RUVBL1: variants seen among roughly 807,000 people sequenced by gnomAD.
RUVBL1 encodes the protein RuvB like AAA ATPase 1, also known as ruvB-like 1.
Under a neutral mutation model 52.4 loss-of-function variants are expected in RUVBL1, and 4 were observed. That is an observed-to-expected ratio of 0.08 (90% CI 0.04 to 0.17). RUVBL1 has a LOEUF of 0.17. RUVBL1 is among the 10% of genes least tolerant of loss of function. The pLI is 1.00. For synonymous variants in RUVBL1, 217 were observed against 214.4 expected, an observed-to-expected ratio of 1.01 and a Z score of -0.10; for missense variants, 298 against 572.8, an observed-to-expected ratio of 0.52 and a Z score of 4.90.
chr3:128,069,756 TTAA>T lies in RUVBL1; in HGVS notation c.940-4539_940-4537del, dbSNP rs373776469. 39 of 1,007,238 alleles carry T rather than the reference TTAA, an allele frequency of 3.9e-5. No individual in the cohort carries two copies. In the African/African-American group the frequency reaches 5.7e-4, roughly 15 times the overall value. 62.4% of individuals were successfully genotyped at this position (1,007,238 alleles called of 1,614,324 possible). On this transcript the variant is annotated intron_variant, in intron 9 of 9. Transcript: ENST00000464873. ...GCGTGCTGCTGCGGCATATGGACTT[TTAA>T]TAATGTTTTTGAATTTCGTATTCTT... is the stretch of plus-strand genomic sequence containing the variant.
At chr3:128,148,449 G>A (rs889152242) in intron 1 of RUVBL1, among the ~76,000 whole-genome samples, 1 of 152,202 alleles carries the variant, frequency 6.6e-6, no homozygotes, top group Non-Finnish European at 1.5e-5. Flanking sequence ...TGGGAGTGGA[G>A]TGGAGGGTAA....
intron 9 of RUVBL1, among the ~76,000 whole-genome samples, chr3:128,086,630 T>C (rs980757963): frequency 6.6e-6 from 1 of 152,218 alleles, no homozygotes; most frequent in Non-Finnish European, 1.5e-5. Context: ...TGGCCTGGGC[T>C]CTACAGGGCA....
chr3:128,096,420 CTT>C (rs1185622291), intron 8 of RUVBL1, among the ~76,000 whole-genome samples: 5 of 152,212 alleles, frequency 3.3e-5, no homozygotes, highest in Non-Finnish European at 7.3e-5. Flanking sequence ...CGTATGAACA[CTT>C]GTCTTCCAGG....
intron 6 of RUVBL1, 38 bp downstream of exon 6, chr3:128,100,557 G>A (rs987462668): frequency 6.4e-7 from 1 of 1,558,174 alleles, no homozygotes. Context: ...CATACAAAAG[G>A]GCTAATGTGC....
At chr3:128,109,719 C>T (rs1358691308) in intron 3 of RUVBL1, among the ~76,000 whole-genome samples, 2 of 151,654 alleles carry the variant, frequency 1.3e-5, no homozygotes, top group African/African-American at 2.4e-5. Flanking sequence ...GTCTCGAACT[C>T]CTGGGCTCAA....
intron 5 of RUVBL1, 53 bp downstream of exon 5, chr3:128,101,506 C>T (rs1576458072): frequency 6.5e-7 from 1 of 1,546,324 alleles, no homozygotes; most frequent in Admixed American, 1.7e-5. Context: ...TCACTTAGGT[C>T]TTCTCATGGC....
chr3:128,139,658 A>G (rs939825538), intron 1 of RUVBL1, among the ~76,000 whole-genome samples: 3 of 152,216 alleles, frequency 2.0e-5, no homozygotes, highest in African/African-American at 7.2e-5. Flanking sequence ...AAGCATCCTA[A>G]GTGTCCATTA....
In RUVBL1 at chr3:128,112,876, G is replaced by A. The variant is rs1576468838; in HGVS notation, c.361+12C>T. On this transcript the variant is annotated intron_variant, in intron 3 of 10. Coordinates refer to ENST00000322623, the MANE Select transcript of RUVBL1 (RefSeq NM_003707.3). ...TGAGACCAACTCCTCCCACAAATGTGACACTACTTACCAATGGCCCTGCGG... is the reference window on the plus strand; with the variant it reads ...TGAGACCAACTCCTCCCACAAATGTAACACTACTTACCAATGGCCCTGCGG... 3.1e-6 allele frequency: 5 copies of A among 1,612,324 alleles called. No individual in the cohort carries two copies. The Admixed American group carries it at 5.0e-5, about 16-fold the overall frequency.
At chr3:128,116,339 G>A (rs1341204731) in intron 2 of RUVBL1, among the ~76,000 whole-genome samples, 8 of 151,824 alleles carry the variant, frequency 5.3e-5, no homozygotes, top group African/African-American at 1.7e-4. Context: ...TCAGGAGTTC[G>A]AGACCAGCCT....
chr3:128,065,294 A>T (rs1269312687), intron 9 of RUVBL1: 4 of 601,800 alleles, frequency 6.6e-6, no homozygotes, highest in Non-Finnish European at 1.2e-5. Context: ...GGGCCTATCG[A>T]CAGGTAAGAT....
rs764544791 is a variant in RUVBL1 at position 128,153,468 on chromosome 3, A to AGGGGC, written c.-310_-306dup. ...ACCGCGGCGACTACCGAGGGAGGTG[A>AGGGGC]GGGGCGGGCCGGGCGGGTGTCCGAG... is the stretch of plus-strand genomic sequence containing the variant. On this transcript the variant is annotated 5_prime_UTR_variant, in exon 1 of 10. Coordinates refer to the RUVBL1 transcript ENST00000464873. 1.7e-4 allele frequency: 251 copies of AGGGGC among 1,456,872 alleles called. 1 individual carries two copies. The African/African-American group carries it at 3.2e-3, about 19-fold the overall frequency. The allele number at this position is 1,456,872 out of a possible 1,614,324, so 90.2% of individuals were successfully genotyped here.
At chr3:128,124,132 C>T (rs1050749764), upstream of RUVBL1, among the ~76,000 whole-genome samples, 21 of 152,234 alleles carry the variant, frequency 1.4e-4, no homozygotes, top group African/African-American at 4.8e-4. Flanking sequence ...ACGCAAATCT[C>T]AAGTTATTAT....
chr3:128,103,799 C>T (rs1237214461), intron 4 of RUVBL1, among the ~76,000 whole-genome samples: 1 of 152,188 alleles, frequency 6.6e-6, no homozygotes, highest in Non-Finnish European at 1.5e-5. Flanking sequence ...CAAACATATA[C>T]ACATATAAAG....
intron 6 of RUVBL1, 89 bp downstream of exon 6, chr3:128,100,506 G>A: frequency 6.8e-7 from 1 of 1,464,522 alleles, no homozygotes; most frequent in East Asian, 2.4e-5. Flanking sequence ...CCTCAAGAAA[G>A]GCAGCAAGAC....
intron 1 of RUVBL1, among the ~76,000 whole-genome samples, chr3:128,120,959 C>A (rs1375326212): frequency 6.8e-6 from 1 of 147,834 alleles, no homozygotes; most frequent in African/African-American, 2.5e-5. Flanking sequence ...CCAGCCTGGG[C>A]GACAGAGCGA....
At chr3:128,078,175 G>A (rs1472159990), downstream of RUVBL1, among the ~76,000 whole-genome samples, 2 of 152,208 alleles carry the variant, frequency 1.3e-5, no homozygotes, top group Non-Finnish European at 1.5e-5. Flanking sequence ...GATAGAGGTC[G>A]ACTGGGAGTG....
rs1037950065 is a variant in RUVBL1 at position 128,067,151 on chromosome 3, G to A, written c.940-1931C>T. On this transcript the variant is annotated intron_variant, in intron 9 of 9. Transcript: ENST00000464873. This position sits in a 1 kb window ranked among gnomAD's most constrained non-coding sequence, Gnocchi z 4.1. The stretch of plus-strand genomic sequence containing the variant: ...TGGTCAGCCTGCTGGGCACCTGGTC[G>A]GTAAGTAGGCTCTTTGAAGATGAGC... 1 of 1,614,018 alleles carries A rather than the reference G, an allele frequency of 6.2e-7. No homozygotes were observed.
chr3:128,097,973 GTTAA>G (rs1427169333), intron 7 of RUVBL1, among the ~76,000 whole-genome samples: 1 of 152,140 alleles, frequency 6.6e-6, no homozygotes, highest in Non-Finnish European at 1.5e-5. Context: ...CAATGCTTAG[GTTAA>G]TTAACTTTCA....
downstream of RUVBL1, among the ~76,000 whole-genome samples, chr3:128,078,074 C>T (rs182129741): frequency 6.6e-6 from 1 of 152,322 alleles, no homozygotes; most frequent in East Asian, 1.9e-4. Context: ...CCCTGGGTCC[C>T]CTCCCACTGC....
Sources: gnomAD v4.1 joint callset for allele counts (sites outside exome capture counted in the v4.1 genomes callset) on GRCh38, gnomAD v4.1.1 for gene constraint, Gnocchi (gnomAD v3.1) non-coding constraint, MANE v1.5 for transcripts, NCBI Gene and HGNC (gene_info 2026-07-23, HGNC 2026-07-21) for gene names.